ACSM5: variants seen among roughly 807,000 people sequenced by gnomAD.
ACSM5 encodes the protein acyl-CoA synthetase medium chain family member 5, also known as acyl-coenzyme A synthetase ACSM5, mitochondrial.
ACSM5 carries 56 observed loss-of-function variants against 71.6 expected under a neutral mutation model. The observed-to-expected ratio is 0.78, with a 90% confidence interval of 0.63 to 0.98. The LOEUF (loss-of-function observed/expected upper bound fraction) is 0.98, where lower values mean the gene tolerates loss of function less well. Among genes scored for constraint, ACSM5 ranks in the 50% least tolerant of loss-of-function variants. The probability of loss-of-function intolerance (pLI) is 0.00; values close to 1 mark genes in which losing one functional copy is unlikely to be tolerated. For missense variants in ACSM5, 723 were observed against 726.0 expected (o/e 1.00, Z 0.05); for synonymous variants, 285 against 281.5 (o/e 1.01, Z -0.12).
At chr16:20,419,673 G>A (rs888775074) in intron 4 of ACSM5, 55 of 549,648 alleles carry the variant, frequency 1.0e-4, no homozygotes, top group Non-Finnish European at 1.4e-4. Flanking sequence ...TCTATAATGC[G>A]GTGGTAGTTA....
chr16:20,431,954 A>T (rs6497487), intron 10 of ACSM5, among the ~76,000 whole-genome samples: 67,808 of 141,750 alleles, frequency 0.48, 17,811 homozygotes, highest in East Asian at 0.76. Context: ...CAAAAAAAAA[A>T]AATAATAATA....
intron 5 of ACSM5, 152 bp from the exon 6 acceptor site, chr16:20,423,764 G>A: frequency 1.1e-6 from 1 of 885,724 alleles, no homozygotes; most frequent in Non-Finnish European, 1.7e-6. Flanking sequence ...TGCTGGTTGA[G>A]ACAATAGTTG....
chr16:20,424,944 C>A (rs1201425124), intron 6 of ACSM5, among the ~76,000 whole-genome samples: 2 of 152,226 alleles, frequency 1.3e-5, no homozygotes, highest in African/African-American at 4.8e-5. Context: ...AAAATCACAT[C>A]ATAGAGAATG....
chr16:20,419,351 G>A lies in ACSM5; in HGVS notation c.539G>A (p.Ser180Asn), dbSNP rs759917214. The change falls in exon 4 of 14, where the codon AGT (serine) becomes AAT (asparagine). Residue 180 changes from serine (S) to asparagine (N), a missense_variant. Coordinates refer to ENST00000331849, the MANE Select transcript of ACSM5 (RefSeq NM_017888.3). ...CTAGCTCCAAGGGTGGATGCCATCA[G>A]TGCCGAATGCCCCTCCCTCCAGACC... is the stretch of plus-strand genomic sequence containing the variant. Reference protein sequence around the residue: ...DSLAPRVDAISAECPSLQTKL... With the variant: ...DSLAPRVDAINAECPSLQTKL... 6.2e-7 allele frequency: 1 copy of A among 1,614,204 alleles called. No individual in the cohort carries two copies. The highest frequency in any genetic ancestry group is 1.1e-5 in the South Asian group (1 of 91,088).
At chr16:20,435,303 G>A (rs529006863) in intron 10 of ACSM5, among the ~76,000 whole-genome samples, 114 of 152,304 alleles carry the variant, frequency 7.5e-4, no homozygotes, top group African/African-American at 2.6e-3. Flanking sequence ...GAAGTGCTGG[G>A]ATTATAGGCA....
rs757553226 is a variant in ACSM5 at position 20,437,087 on chromosome 16, G to A, written c.1344G>A (p.Gly448=). 7 of 1,614,120 alleles carry A rather than the reference G, an allele frequency of 4.3e-6. No homozygotes were observed. The highest frequency in any genetic ancestry group is 1.6e-4 in the Middle Eastern group (1 of 6,062). Residue 448 remains glycine, a synonymous_variant, in exon 11 of 14, where the codon GGG becomes GGA. Transcript: ENST00000331849. ...NPEKTAASEQ[G]DFYITGDRAR... is the part of the protein sequence containing the mutation. ...AGAAGACAGCTGCATCAGAACAAGG[G>A]GACTTTTACATCACAGGGGACCGAG...
At chr16:20,427,157 C>T (rs35462518) in intron 6 of ACSM5, among the ~76,000 whole-genome samples, 3,835 of 142,376 alleles carry the variant, frequency 0.027, 41 homozygotes, top group South Asian at 0.059. Context: ...AAAAATTAGC[C>T]GGGCCTGGTG....
At chr16:20,419,791 A>T (rs564873733) in intron 4 of ACSM5, 1 of 349,752 alleles carries the variant, frequency 2.9e-6, no homozygotes, top group South Asian at 2.5e-5. Flanking sequence ...TACTTAGTGT[A>T]TCGCTAGATA....
rs148462851 is a variant in ACSM5 at position 20,411,557 on chromosome 16, A to C, written c.73A>C (p.Lys25Gln). The C allele has an allele frequency of 4.5e-3, 7,211 of 1,612,686 alleles. 23 individuals are homozygous for C. Among genetic ancestry groups the C allele is most frequent in the Non-Finnish European group, 5.8e-3 (6,786 of 1,178,570 alleles). Reference protein sequence around the residue: ...NSRAFCGSHGKPAPLPVPQKI... With the variant: ...NSRAFCGSHGQPAPLPVPQKI... The stretch of plus-strand genomic sequence containing the variant: ...CAGGGCATTCTGTGGGTCTCATGGG[A>C]AGCCAGCACCTCTACCTGTTCCTCA... Residue 25 changes from lysine (K) to glutamine (Q), a missense_variant, in exon 2 of 14, where the codon AAG becomes CAG. Lys to Gln is a moderately conservative substitution (Grantham distance 53). Coordinates refer to ENST00000331849, the MANE Select transcript of ACSM5 (RefSeq NM_017888.3).
At chr16:20,413,746 G>A (rs370815889) in intron 2 of ACSM5, among the ~76,000 whole-genome samples, 10 of 152,148 alleles carry the variant, frequency 6.6e-5, no homozygotes, top group Non-Finnish European at 1.0e-4. Flanking sequence ...CTCTAAGCTC[G>A]CACTTCTGGC....
intron 12 of ACSM5, 28 bp from the exon 13 acceptor site, chr16:20,439,772 C>T: frequency 6.2e-7 from 1 of 1,604,406 alleles, no homozygotes; most frequent in Non-Finnish European, 8.5e-7. Flanking sequence ...GAGGCCTGAT[C>T]TTTTCTGGGT....
At chr16:20,423,812 A>G in intron 5 of ACSM5, 104 bp from the exon 6 acceptor site, 1 of 1,369,396 alleles carries the variant, frequency 7.3e-7, no homozygotes, top group Admixed American at 2.0e-5. Flanking sequence ...AGTATAAGTG[A>G]GTACCCACTG....
chr16:20,437,817 T>C (rs1469545958), intron 12 of ACSM5, among the ~76,000 whole-genome samples: 1 of 149,818 alleles, frequency 6.7e-6, no homozygotes, highest in African/African-American at 2.5e-5. Flanking sequence ...TGGGCTTTCA[T>C]AGGAGAAATC....
At chr16:20,428,231 T>C (rs1431365121) in intron 7 of ACSM5, among the ~76,000 whole-genome samples, 1 of 152,250 alleles carries the variant, frequency 6.6e-6, no homozygotes, top group Non-Finnish European at 1.5e-5. Flanking sequence ...CTGCTACTTC[T>C]GTGAGGCGAG....
At chr16:20,412,338 G>A (rs1314193200) in intron 2 of ACSM5, 1 of 152,286 alleles carries the variant, frequency 6.6e-6, no homozygotes, top group Non-Finnish European at 1.5e-5. Context: ...AGACAACAGA[G>A]TGAGACTCCA....
At chr16:20,414,852 C>T (rs8044881) in intron 2 of ACSM5, among the ~76,000 whole-genome samples, 19,421 of 152,022 alleles carry the variant, frequency 0.13, 1,983 homozygotes, top group African/African-American at 0.28. Flanking sequence ...AGGAGTATGA[C>T]AGATGAGACT....
intron 3 of ACSM5, among the ~76,000 whole-genome samples, chr16:20,419,009 G>A (rs1347155629): frequency 6.6e-6 from 1 of 152,086 alleles, no homozygotes; most frequent in Non-Finnish European, 1.5e-5. Flanking sequence ...GAGGAAAGAG[G>A]CCACAGTGAG....
chr16:20,418,357 A>G (rs1738461570), intron 3 of ACSM5, 88 bp downstream of exon 3: 5 of 1,303,812 alleles, frequency 3.8e-6, no homozygotes, highest in Non-Finnish European at 4.2e-6. Context: ...AAGATGGAGC[A>G]AAAATAAACT....
chr16:20,421,632 T>C (rs1261297119), intron 5 of ACSM5, among the ~76,000 whole-genome samples: 22 of 140,524 alleles, frequency 1.6e-4, no homozygotes, highest in African/African-American at 5.6e-4. Flanking sequence ...TATATATATA[T>C]ATATATATAT....
Sources: allele counts gnomAD v4.1 joint callset (sites outside exome capture counted in the v4.1 genomes callset), GRCh38; gene constraint gnomAD v4.1.1; transcripts MANE v1.5; gene names NCBI Gene and HGNC (gene_info 2026-07-23, HGNC 2026-07-21).